The following MMP2 variants were observed in gnomAD, a reference collection of about 807,000 sequenced individuals.
MMP2 encodes 72 kDa type IV collagenase.
MMP2 carries 39 observed loss-of-function variants against 74.8 expected under a neutral mutation model. The ratio of observed to expected loss-of-function variants is 0.52; its 90% CI spans 0.40 to 0.68. The LOEUF (loss-of-function observed/expected upper bound fraction) is 0.68. Ranked by LOEUF, MMP2 falls within the 30% of genes least tolerant of loss-of-function variation. MMP2 has a pLI of 0.00. For missense variants in MMP2, 803 were observed against 878.3 expected (o/e 0.91, Z 1.08); for synonymous variants, 367 against 339.8 (o/e 1.08, Z -0.88).
chr16:55,496,390 C>G (rs554545394), intron 9 of MMP2, among the ~76,000 whole-genome samples: 3 of 152,208 alleles, frequency 2.0e-5, no homozygotes, highest in East Asian at 3.9e-4. Context: ...GTAGACCATC[C>G]AGAGTGCATG....
In MMP2 at chr16:55,484,237, G is replaced by C. The variant is rs1251701276; in HGVS notation, c.529+73G>C. 15 of 1,543,436 alleles carry C rather than the reference G, an allele frequency of 9.7e-6. No individual in the cohort carries two copies. The Admixed American group carries it at 2.1e-4, about 21-fold the overall frequency. Reference sequence around the variant, plus strand: ...AGACGAGGGGGTGAGATGGACATTAGAGGGGCGTGGGGATCCTAAGGGCGG... The same window carrying C: ...AGACGAGGGGGTGAGATGGACATTACAGGGGCGTGGGGATCCTAAGGGCGG... On this transcript the variant is annotated intron_variant, in intron 3 of 12. Transcript: ENST00000219070.
chr16:55,503,437 T>C (rs1421082749), intron 12 of MMP2, among the ~76,000 whole-genome samples: 2 of 152,086 alleles, frequency 1.3e-5, no homozygotes, highest in Non-Finnish European at 2.9e-5. Context: ...TCTGTGAGCT[T>C]TCTAGGGTCC....
intron 6 of MMP2, among the ~76,000 whole-genome samples, chr16:55,488,960 G>A (rs1054244298): frequency 6.6e-5 from 10 of 152,194 alleles, no homozygotes; most frequent in Non-Finnish European, 1.2e-4. Flanking sequence ...ACACTTAAAT[G>A]TCAGGCCTGC....
chr16:55,479,553 G>A lies in MMP2; in HGVS notation c.74G>A (p.Ser25Asn), dbSNP rs776312366. The A allele has an allele frequency of 3.7e-6, 6 of 1,612,618 alleles. No homozygotes were observed. In the Admixed American group the frequency reaches 1.0e-4, roughly 27 times the overall value. ...RALCLLGCLL[S>N]HAAAAPSPII... ...CTCTGTCTCCTGGGCTGCCTGCTGAGCCACGCCGCCGCCGCGCCGTCGCCC... is the reference window on the plus strand; with the variant it reads ...CTCTGTCTCCTGGGCTGCCTGCTGAACCACGCCGCCGCCGCGCCGTCGCCC... Residue 25 changes from serine to asparagine, a missense_variant, in exon 1 of 13, where the codon AGC becomes AAC. Around this residue, in one of 3 missense-constraint regions of MMP2, gnomAD observed 223 missense variants for 232.8 expected, o/e 0.96. Transcript: ENST00000219070.
chr16:55,505,771 T>C lies in MMP2; in HGVS notation c.*329T>C. 1 of 393,698 alleles carries C rather than the reference T, an allele frequency of 2.5e-6. No individual in the cohort carries two copies. Among genetic ancestry groups the C allele is most frequent in the South Asian group, 2.4e-5 (1 of 41,310 alleles). 24.4% of individuals were successfully genotyped at this position (393,698 alleles called of 1,614,324 possible). A position where few individuals can be genotyped will look rare whatever the true frequency, so the allele number is the denominator to read the frequency against. On this transcript the variant is annotated 3_prime_UTR_variant, in exon 13 of 13. Coordinates refer to ENST00000219070, the MANE Select transcript of MMP2 (RefSeq NM_004530.6). ...CTGCCACACTTCAGGCTCTTCTCCT[T>C]TCACAACCTTCTGTGGCTCACAGAA...
chr16:55,492,048 A>T (rs1227444157), intron 8 of MMP2, 92 bp downstream of exon 8: 1 of 1,304,512 alleles, frequency 7.7e-7, no homozygotes, highest in South Asian at 1.3e-5. Context: ...GACCAGCAAG[A>T]TCTCATCCAG....
At chr16:55,500,380 T>C (rs566944591) in intron 11 of MMP2, among the ~76,000 whole-genome samples, 1 of 152,210 alleles carries the variant, frequency 6.6e-6, no homozygotes, top group South Asian at 2.1e-4. Flanking sequence ...GTTTTCAAAT[T>C]ATGGTGTTGG....
At chr16:55,486,132 C>A (rs1962241666) in intron 5 of MMP2, among the ~76,000 whole-genome samples, 1 of 152,068 alleles carries the variant, frequency 6.6e-6, no homozygotes. Flanking sequence ...TCTCTAGAAC[C>A]AGTCTTTACA....
At chr16:55,502,990 G>A (rs1289912021) in intron 12 of MMP2, 102 bp downstream of exon 12, 3 of 929,970 alleles carry the variant, frequency 3.2e-6, no homozygotes, top group Non-Finnish European at 5.1e-6. Context: ...GGGCAGGCAG[G>A]CAGGCGGCGC....
At chr16:55,491,067 C>T (rs1962392169) in intron 7 of MMP2, among the ~76,000 whole-genome samples, 1 of 131,420 alleles carries the variant, frequency 7.6e-6, no homozygotes. Flanking sequence ...GCTTGCCTCT[C>T]CTCCTTTTTT....
At chr16:55,483,915 ACACT>A in intron 2 of MMP2, 97 bp from the exon 3 acceptor site, 1 of 1,290,184 alleles carries the variant, frequency 7.8e-7, no homozygotes, top group South Asian at 1.2e-5. Context: ...ATACACACAC[ACACT>A]CAAACTTTTT....
intron 1 of MMP2, 127 bp downstream of exon 1, chr16:55,479,759 T>A (rs914889920): frequency 8.3e-7 from 1 of 1,211,478 alleles, no homozygotes; most frequent in African/African-American, 1.5e-5. Flanking sequence ...GGTAAACAGC[T>A]TGGGGGGTCT....
Position 55,484,093 on chromosome 16 carries a change from A to G in MMP2, c.458A>G (p.Asp153Gly). The G allele has an allele frequency of 6.2e-7, 1 of 1,614,164 alleles. No individual in the cohort carries two copies. The highest frequency in any genetic ancestry group is 1.1e-5 in the South Asian group (1 of 91,082). ...GCTCGTGCCTTCCAAGTCTGGAGCG[A>G]TGTGACCCCACTGCGGTTTTCTCGA... ...AFARAFQVWSDVTPLRFSRIH... is the reference protein window; with the variant it reads ...AFARAFQVWSGVTPLRFSRIH... Residue 153 changes from aspartate to glycine, a missense_variant, in exon 3 of 13, where the codon GAT (aspartate) becomes GGT (glycine). This residue lies in a region of MMP2 where 223 missense variants were observed against 232.8 expected (regional missense o/e 0.96). Transcript: ENST00000219070.
intron 1 of MMP2, among the ~76,000 whole-genome samples, chr16:55,482,117 T>A (rs577566741): frequency 2.0e-5 from 3 of 152,336 alleles, no homozygotes; most frequent in South Asian, 2.1e-4. Context: ...CTTTTTCACC[T>A]GTTTTTCCTC....
chr16:55,486,967 C>T (rs1962275872), intron 5 of MMP2: 1 of 152,156 alleles, frequency 6.6e-6, no homozygotes, highest in African/African-American at 2.4e-5. Context: ...CAGAGCTAAA[C>T]TTTATATTAA....
At position 55,485,598 on chromosome 16, in the gene MMP2, C is replaced by CT. The variant is rs766965534; in HGVS notation, c.659-3dup. ...TCCAACCTCCCCCTTCCATGTCACTCTTTAGTGGTCCGTGTGAAGTATGGG... is the reference window on the plus strand; with the variant it reads ...TCCAACCTCCCCCTTCCATGTCACTCTTTTAGTGGTCCGTGTGAAGTATGGG... On this transcript the variant is annotated splice_region_variant and splice_polypyrimidine_tract_variant and intron_variant, in intron 4 of 12. Transcript: ENST00000219070. The CT allele has an allele frequency of 4.5e-5, 72 of 1,613,984 alleles. 2 individuals carry two copies. The South Asian group carries it at 7.5e-4, about 17-fold the overall frequency.
intron 1 of MMP2, 25 bp downstream of exon 1, chr16:55,479,657 G>A: frequency 6.2e-7 from 1 of 1,613,604 alleles, no homozygotes; most frequent in South Asian, 1.1e-5. Flanking sequence ...TGGCCTCAAG[G>A]AACCACGTTT....
At chr16:55,480,017 C>T (rs569196650) in intron 1 of MMP2, 12 of 248,550 alleles carry the variant, frequency 4.8e-5, no homozygotes, top group East Asian at 1.2e-4. Context: ...CTTTTGGACA[C>T]ATCTGGGCAG....
rs753129923 is a variant in MMP2, at chr16:55,483,048, G to A, written c.293G>A (p.Arg98Gln). 32 of 1,614,024 alleles carry A rather than the reference G, an allele frequency of 2.0e-5. No homozygotes were observed. The highest frequency in any genetic ancestry group is 4.0e-5 in the African/African-American group (3 of 74,900). Reference protein sequence around the residue: ...DLDQNTIETMRKPRCGNPDVA... With the variant: ...DLDQNTIETMQKPRCGNPDVA... Reference sequence around the variant, plus strand: ...GACCAGAATACCATCGAGACCATGCGGAAGCCACGCTGCGGCAACCCAGAT... The same window carrying A: ...GACCAGAATACCATCGAGACCATGCAGAAGCCACGCTGCGGCAACCCAGAT... The change falls in exon 2 of 13, where the codon CGG becomes CAG. Residue 98 changes from arginine (R) to glutamine (Q), a missense_variant. By Grantham distance (43) the Arg-to-Gln change is conservative. Coordinates refer to ENST00000219070, the MANE Select transcript of MMP2 (RefSeq NM_004530.6).
Sources: allele counts gnomAD v4.1 joint callset (sites outside exome capture counted in the v4.1 genomes callset), GRCh38; gene constraint gnomAD v4.1.1; regional missense constraint gnomAD v4.1.1; transcripts MANE v1.5; gene names NCBI Gene and HGNC (gene_info 2026-07-23, HGNC 2026-07-21).